Variants in IFT81 observed in about 807,000 individuals in gnomAD.
IFT81 encodes intraflagellar transport protein 81 homolog.
Under a neutral mutation model 102.6 loss-of-function variants are expected in IFT81, and 72 were observed. That is an observed-to-expected ratio of 0.70 (90% CI 0.58 to 0.85). The LOEUF (loss-of-function observed/expected upper bound fraction) is 0.85. Ranked by LOEUF, IFT81 falls within the 40% of genes least tolerant of loss-of-function variation. The pLI is 0.00. For synonymous variants in IFT81, 237 were observed against 242.7 expected (o/e 0.98, Z 0.22); for missense variants, 723 against 787.3 (o/e 0.92, Z 0.98).
rs548788339 is a variant in IFT81, at chr12:110,198,816, T to C, written c.1558-5048T>C. ...TCACTTTTTCTTTCTTTCTTTCTTT[T>C]TTTTTTTTTCTTGAGACAGAGTCTT... is the stretch of plus-strand genomic sequence containing the variant. On this transcript the variant is annotated intron_variant, in intron 14 of 18. Transcript: ENST00000242591. Among the ~76,000 whole-genome samples the C allele has an allele frequency of 1.8e-3, 266 of 151,824 alleles. 2 individuals carry two copies. The South Asian group carries it at 0.026, about 15-fold the overall frequency.
chr12:110,130,122 G>A (rs1230192366), intron 4 of IFT81, among the ~76,000 whole-genome samples: 1 of 152,054 alleles, frequency 6.6e-6, no homozygotes, highest in African/African-American at 2.4e-5. Flanking sequence ...GGTAGACATG[G>A]CAGTAACTCA....
intron 10 of IFT81, among the ~76,000 whole-genome samples, chr12:110,152,659 A>C (rs914814013): frequency 2.0e-5 from 3 of 150,666 alleles, no homozygotes; most frequent in Non-Finnish European, 3.0e-5. Context: ...CCCAGGCTGG[A>C]GTGTGTCATC....
intron 14 of IFT81, among the ~76,000 whole-genome samples, chr12:110,196,306 G>A (rs1485961810): frequency 6.6e-6 from 1 of 152,144 alleles, no homozygotes; most frequent in African/African-American, 2.4e-5. Flanking sequence ...ATCACTTGAG[G>A]TCAGGAGTTC....
intron 11 of IFT81, among the ~76,000 whole-genome samples, chr12:110,172,945 G>GGGGA (rs1566141823): frequency 6.9e-6 from 1 of 144,934 alleles, no homozygotes; most frequent in African/African-American, 2.5e-5. Flanking sequence ...AGGGAGGTGG[G>GGGGA]GGTCAGCCCC....
chr12:110,125,480 C>T (rs1332560623), intron 1 of IFT81, among the ~76,000 whole-genome samples: 1 of 152,172 alleles, frequency 6.6e-6, no homozygotes, highest in East Asian at 1.9e-4. Flanking sequence ...CTGCAACCTC[C>T]GCCTCCCGGG....
At chr12:110,142,287 C>T (rs905920303) in intron 8 of IFT81, among the ~76,000 whole-genome samples, 3 of 152,046 alleles carry the variant, frequency 2.0e-5, no homozygotes, top group Non-Finnish European at 1.5e-5. Flanking sequence ...TGTTCCTCAG[C>T]CTCCCAAGTA....
At position 110,197,272 on chromosome 12, in the gene IFT81, A is replaced by C. The variant is rs1898046134; in HGVS notation, c.1557+4566A>C. ...GGTAGATAGATAGATAGATAGATAGATAGATAGATAGATAGATAGATGTAT... is the reference window on the plus strand; with the variant it reads ...GGTAGATAGATAGATAGATAGATAGCTAGATAGATAGATAGATAGATGTAT... On this transcript the variant is annotated intron_variant, in intron 14 of 18. Coordinates refer to ENST00000242591, the MANE Select transcript of IFT81 (RefSeq NM_014055.4). Among the ~76,000 whole-genome samples the C allele has an allele frequency of 1.3e-5, 2 of 151,856 alleles. 1 individual carries two copies. Among genetic ancestry groups the C allele is most frequent in the South Asian group, 4.1e-4 (2 of 4,820 alleles).
chr12:110,134,429 G>T (rs1894362392), intron 5 of IFT81, among the ~76,000 whole-genome samples: 1 of 152,140 alleles, frequency 6.6e-6, no homozygotes, highest in Non-Finnish European at 1.5e-5. Flanking sequence ...TAACAGGAAG[G>T]AAGTTTATTT....
At chr12:110,206,331 C>A (rs748890373) in intron 17 of IFT81, among the ~76,000 whole-genome samples, 12 of 152,116 alleles carry the variant, frequency 7.9e-5, no homozygotes, top group Admixed American at 1.3e-4. Context: ...AAAAAAAATA[C>A]ATTTATGGTT....
At chr12:110,172,681 A>G (rs938907607) in intron 11 of IFT81, among the ~76,000 whole-genome samples, 1 of 151,712 alleles carries the variant, frequency 6.6e-6, no homozygotes, top group African/African-American at 2.4e-5. Flanking sequence ...TGTCTGGTTC[A>G]CTCAGTGCTC....
At chr12:110,157,010 T>A (rs1404850036) in intron 10 of IFT81, among the ~76,000 whole-genome samples, 2 of 151,982 alleles carry the variant, frequency 1.3e-5, no homozygotes, top group Non-Finnish European at 2.9e-5. Context: ...CTTTTGACAG[T>A]TTGATTTTTT....
At chr12:110,205,709 ATACT>A (rs778675278) in intron 17 of IFT81, 29 bp downstream of exon 17, 1 of 1,354,688 alleles carries the variant, frequency 7.4e-7, no homozygotes, top group African/African-American at 1.5e-5. Context: ...TTATATTGAG[ATACT>A]TAATATTTTC....
At chr12:110,170,543 TTTGA>T (rs1896682253) in intron 11 of IFT81, among the ~76,000 whole-genome samples, 1 of 152,200 alleles carries the variant, frequency 6.6e-6, no homozygotes, top group East Asian at 1.9e-4. Flanking sequence ...GCTTTCATAA[TTTGA>T]AAGAGCAAAC....
intron 11 of IFT81, among the ~76,000 whole-genome samples, chr12:110,170,198 C>T (rs974623399): frequency 1.3e-5 from 2 of 152,150 alleles, no homozygotes; most frequent in Admixed American, 6.5e-5. Context: ...CATGATCCAC[C>T]CGCCTTAGCC....
At chr12:110,188,164 C>G (rs184494949) in intron 12 of IFT81, among the ~76,000 whole-genome samples, 1 of 151,970 alleles carries the variant, frequency 6.6e-6, no homozygotes, top group African/African-American at 2.4e-5. Context: ...AACCCTGTCT[C>G]TACTAAAAAT....
intron 1 of IFT81, among the ~76,000 whole-genome samples, chr12:110,125,076 A>G (rs958572127): frequency 2.0e-5 from 3 of 152,152 alleles, no homozygotes; most frequent in Non-Finnish European, 4.4e-5. Flanking sequence ...GTACTAGTTT[A>G]TCCAGATTTT....
intron 12 of IFT81, among the ~76,000 whole-genome samples, chr12:110,181,892 G>GA (rs1345776825): frequency 3.3e-5 from 5 of 152,128 alleles, no homozygotes; most frequent in Non-Finnish European, 5.9e-5. Context: ...TGAGGCAGCA[G>GA]AAAAAAGCCA....
At chr12:110,178,516 A>G (rs1345480551) in intron 11 of IFT81, among the ~76,000 whole-genome samples, 2 of 151,470 alleles carry the variant, frequency 1.3e-5, no homozygotes, top group African/African-American at 2.4e-5. Context: ...CTGTTTTCCA[A>G]AATTTCAACA....
At chr12:110,144,863 CTTT>C (rs34675452) in intron 9 of IFT81, among the ~76,000 whole-genome samples, 9 of 93,068 alleles carry the variant, frequency 9.7e-5, no homozygotes, top group Admixed American at 1.1e-4. Context: ...GGTGCAGTGC[CTTT>C]TTTTTTTTTT....
Sources: allele counts gnomAD v4.1 joint callset (sites outside exome capture counted in the v4.1 genomes callset), GRCh38; gene constraint gnomAD v4.1.1; transcripts MANE v1.5; gene names NCBI Gene and HGNC (gene_info 2026-07-23, HGNC 2026-07-21).